TNFSF4: variants seen among roughly 807,000 people sequenced by gnomAD.
The protein encoded by TNFSF4 is TNF superfamily member 4.
TNFSF4 carries 4 observed loss-of-function variants against 7.3 expected under a neutral mutation model. The ratio of observed to expected loss-of-function variants is 0.55; its 90% confidence interval spans 0.27 to 1.25. The LOEUF (loss-of-function observed/expected upper bound fraction) is 1.25. Among genes scored for constraint, TNFSF4 ranks in the 50% most tolerant of loss-of-function variants. The pLI, the probability that TNFSF4 is intolerant of heterozygous loss-of-function variation, is 0.12. For synonymous variants in TNFSF4, 76 were observed against 83.7 expected (o/e 0.91, Z 0.50); for missense variants, 181 against 208.8 (o/e 0.87, Z 0.82).
intron 1 of TNFSF4, among the ~76,000 whole-genome samples, chr1:173,202,985 ATTGTCCCTTGAGCATGTCACTCTT>A (rs751423789): frequency 2.8e-4 from 43 of 151,758 alleles, no homozygotes; most frequent in Non-Finnish European, 4.4e-4. Flanking sequence ...TCATCTTCCC[ATTGTCCCTTGAGCATGTCACTCTT>A]TTGTCCCCAC....
the TNFSF4 span, among the ~76,000 whole-genome samples, chr1:173,398,291 CT>C: frequency 6.6e-6 from 1 of 151,908 alleles, no homozygotes; most frequent in African/African-American, 2.4e-5. Flanking sequence ...CATTGAGGAC[CT>C]AGTGAGCAAA....
chr1:173,235,752 TG>T, the TNFSF4 span, among the ~76,000 whole-genome samples: 1 of 152,360 alleles, frequency 6.6e-6, no homozygotes, highest in East Asian at 1.9e-4. Flanking sequence ...TTTATTTTAC[TG>T]TATTGTGGCA....
chr1:173,304,103 C>T, the TNFSF4 span, among the ~76,000 whole-genome samples: 8 of 151,998 alleles, frequency 5.3e-5, no homozygotes, highest in South Asian at 4.1e-4. Flanking sequence ...GCTCTGGTCA[C>T]TTGGTCCAGT....
At chr1:173,410,646 C>T in the TNFSF4 span, among the ~76,000 whole-genome samples, 2 of 152,158 alleles carry the variant, frequency 1.3e-5, no homozygotes, top group African/African-American at 4.8e-5. Flanking sequence ...TAGTTGTGAG[C>T]ATGTCTAAGT....
the TNFSF4 span, among the ~76,000 whole-genome samples, chr1:173,440,138 C>G: frequency 6.6e-6 from 1 of 152,160 alleles, no homozygotes; most frequent in Non-Finnish European, 1.5e-5. Context: ...CTAGGCTTGG[C>G]TGAGTCTGGG....
the TNFSF4 span, among the ~76,000 whole-genome samples, chr1:173,432,704 T>G: frequency 6.6e-6 from 1 of 152,094 alleles, no homozygotes; most frequent in African/African-American, 2.4e-5. Flanking sequence ...TTGAGGGATC[T>G]TTGAGGAATA....
chr1:173,268,342 A>G, the TNFSF4 span, among the ~76,000 whole-genome samples: 1 of 152,180 alleles, frequency 6.6e-6, no homozygotes, highest in East Asian at 1.9e-4. Flanking sequence ...GTGATGCTCA[A>G]TATATGTAAA....
At chr1:173,320,688 A>G in the TNFSF4 span, among the ~76,000 whole-genome samples, 1 of 152,186 alleles carries the variant, frequency 6.6e-6, no homozygotes, top group Admixed American at 6.5e-5. Flanking sequence ...CCAATAATAG[A>G]CAAACAGAGA....
intron 1 of TNFSF4, 88 bp downstream of exon 1, chr1:173,206,936 A>T: frequency 7.0e-7 from 1 of 1,436,344 alleles, no homozygotes. Context: ...CTTTTGGCAT[A>T]AGATTATTTC....
At chr1:173,374,976 A>G in the TNFSF4 span, among the ~76,000 whole-genome samples, 2 of 152,138 alleles carry the variant, frequency 1.3e-5, no homozygotes, top group African/African-American at 4.8e-5. Context: ...ATCTATCCTT[A>G]CTCTGCAATC....
At chr1:173,359,718 C>T in the TNFSF4 span, among the ~76,000 whole-genome samples, 7 of 88,972 alleles carry the variant, frequency 7.9e-5, no homozygotes, top group African/African-American at 2.5e-4. Context: ...AAACCTTATA[C>T]TTTCTTAAAC....
chr1:173,444,280 A>G, the TNFSF4 span, among the ~76,000 whole-genome samples: 1 of 152,136 alleles, frequency 6.6e-6, no homozygotes, highest in African/African-American at 2.4e-5. Flanking sequence ...ACACACACAC[A>G]AACACACACA....
At chr1:173,436,556 C>T in the TNFSF4 span, among the ~76,000 whole-genome samples, 1 of 152,118 alleles carries the variant, frequency 6.6e-6, no homozygotes, top group Non-Finnish European at 1.5e-5. Context: ...ATTACAGGCA[C>T]CTGCCACCAC....
At chr1:173,360,950 T>C in the TNFSF4 span, among the ~76,000 whole-genome samples, 2 of 152,020 alleles carry the variant, frequency 1.3e-5, no homozygotes, top group Non-Finnish European at 2.9e-5. Flanking sequence ...AGCCCTATGA[T>C]GGAAAATGGG....
At chr1:173,249,446 G>C in the TNFSF4 span, among the ~76,000 whole-genome samples, 1 of 152,192 alleles carries the variant, frequency 6.6e-6, no homozygotes, top group Non-Finnish European at 1.5e-5. Flanking sequence ...GCAAGGGAAA[G>C]CTATACTCTT....
At chr1:173,445,927 A>G in the TNFSF4 span, among the ~76,000 whole-genome samples, 1 of 152,212 alleles carries the variant, frequency 6.6e-6, no homozygotes, top group Non-Finnish European at 1.5e-5. Flanking sequence ...TCACTCATAA[A>G]GTACAGATAG....
Position 173,186,849 on chromosome 1 carries a change from T to A in TNFSF4, c.219A>T (p.Lys73Asn). 6.3e-7 allele frequency: 1 copy of A among 1,596,854 alleles called. No individual in the cohort carries two copies. Among genetic ancestry groups the A allele is most frequent in the Non-Finnish European group, 8.5e-7 (1 of 1,170,478 alleles). The change falls in exon 3 of 3, where the codon AAA (lysine) becomes AAT (asparagine). Residue 73 changes from lysine to asparagine, a missense_variant. Physicochemically the swap from Lys to Asn is moderately conservative, Grantham distance 94 (BLOSUM62 0). Coordinates refer to ENST00000281834, the MANE Select transcript of TNFSF4 (RefSeq NM_003326.5). The stretch of plus-strand genomic sequence containing the variant: ...CCTTTTGGGAAGTGAGGATGAAACC[T>A]TTCTCCTTCTTATATTCTAGGGAGG... ...KVQFTEYKKE[K>N]GFILTSQKED...
At chr1:173,388,466 T>C in the TNFSF4 span, among the ~76,000 whole-genome samples, 2 of 152,234 alleles carry the variant, frequency 1.3e-5, no homozygotes, top group African/African-American at 4.8e-5. Flanking sequence ...CAAGACCCTT[T>C]CCATGGGTCC....
the TNFSF4 span, among the ~76,000 whole-genome samples, chr1:173,398,207 C>T: frequency 1.3e-5 from 2 of 151,484 alleles, no homozygotes; most frequent in Non-Finnish European, 2.9e-5. Context: ...TGGCACCTTC[C>T]CTTCCACAAG....
Sources: gnomAD v4.1 joint callset for allele counts (sites outside exome capture counted in the v4.1 genomes callset) on GRCh38, gnomAD v4.1.1 for gene constraint, MANE v1.5 for transcripts, NCBI Gene and HGNC (gene_info 2026-07-23, HGNC 2026-07-21) for gene names.